SPAG9: variants seen among roughly 807,000 people sequenced by gnomAD.
SPAG9 encodes sperm associated antigen 9.
SPAG9 carries 35 observed loss-of-function variants against 166.5 expected under a neutral mutation model. The observed-to-expected ratio is 0.21, with a 90% confidence interval of 0.16 to 0.28. The LOEUF (loss-of-function observed/expected upper bound fraction) is 0.28, where lower values mean the gene tolerates loss of function less well. Ranked by LOEUF, SPAG9 falls within the 10% of genes least tolerant of loss-of-function variation. The pLI, the probability that SPAG9 is intolerant of heterozygous loss-of-function variation, is 1.00. For missense variants in SPAG9, 1,235 were observed against 1,603.3 expected (o/e 0.77, Z 3.92); for synonymous variants, 534 against 565.5 (o/e 0.94, Z 0.79).
chr17:51,114,993 A>G (rs901304005), intron 1 of SPAG9, among the ~76,000 whole-genome samples: 3 of 152,154 alleles, frequency 2.0e-5, no homozygotes, highest in South Asian at 2.1e-4. Context: ...CACTAAAACA[A>G]GAACAATGAA....
intron 9 of SPAG9, among the ~76,000 whole-genome samples, chr17:51,013,421 T>C (rs983196721): frequency 6.6e-6 from 1 of 152,136 alleles, no homozygotes; most frequent in Admixed American, 6.5e-5. Context: ...ACAGTAAATA[T>C]TTTAGGCTTC....
intron 1 of SPAG9, among the ~76,000 whole-genome samples, chr17:51,092,936 T>C (rs564595408): frequency 1.3e-4 from 20 of 151,840 alleles, no homozygotes; most frequent in Non-Finnish European, 2.8e-4. Context: ...AGCAAATGTC[T>C]CTTAAAAAAT....
chr17:50,989,051 G>GA (rs967637595), intron 21 of SPAG9, among the ~76,000 whole-genome samples: 47 of 147,690 alleles, frequency 3.2e-4, no homozygotes, highest in South Asian at 1.3e-3. Flanking sequence ...CAAAAAAAAA[G>GA]AAAAAAAAAC....
chr17:50,973,858 C>A (rs1974008349), intron 28 of SPAG9, among the ~76,000 whole-genome samples: 1 of 152,212 alleles, frequency 6.6e-6, no homozygotes. Flanking sequence ...GGGTCTCCAG[C>A]CTGCCAGCCT....
chr17:51,111,689 G>A (rs990395856), intron 1 of SPAG9, among the ~76,000 whole-genome samples: 12 of 152,018 alleles, frequency 7.9e-5, no homozygotes, highest in Non-Finnish European at 8.8e-5. Context: ...TACAACCTCC[G>A]CCTCCCAGGT....
chr17:51,060,506 A>T (rs896816283), intron 2 of SPAG9, among the ~76,000 whole-genome samples: 167 of 85,798 alleles, frequency 1.9e-3, no homozygotes, highest in African/African-American at 8.8e-3. Flanking sequence ...TTGTCTTTTT[A>T]AAAAAAAAAA....
intron 1 of SPAG9, among the ~76,000 whole-genome samples, chr17:51,101,420 A>G (rs1001398129): frequency 1.3e-5 from 2 of 151,982 alleles, no homozygotes; most frequent in African/African-American, 4.8e-5. Context: ...CTTAACCTTT[A>G]AAAAGGTATT....
chr17:51,072,815 C>G (rs902722488), intron 2 of SPAG9, among the ~76,000 whole-genome samples: 1 of 152,196 alleles, frequency 6.6e-6, no homozygotes, highest in Non-Finnish European at 1.5e-5. Flanking sequence ...TTAAAAAGCA[C>G]TCATTCCCAA....
At chr17:51,029,946 A>G (rs933081826) in intron 6 of SPAG9, among the ~76,000 whole-genome samples, 15 of 152,200 alleles carry the variant, frequency 9.9e-5, no homozygotes, top group Admixed American at 8.5e-4. Flanking sequence ...TGTGGAGACC[A>G]CATCAGAGGT....
intron 6 of SPAG9, among the ~76,000 whole-genome samples, chr17:51,029,697 C>T (rs1208454322): frequency 2.0e-5 from 3 of 152,068 alleles, no homozygotes; most frequent in East Asian, 3.8e-4. Flanking sequence ...TATTTATGTG[C>T]GGTATTTAAT....
At chr17:51,005,146 G>C (rs1394776022) in intron 12 of SPAG9, 66 bp downstream of exon 12, 1 of 1,357,504 alleles carries the variant, frequency 7.4e-7, no homozygotes, top group Non-Finnish European at 1.0e-6. Context: ...AGCTTACGTA[G>C]GAAGATCTTC....
intron 1 of SPAG9, among the ~76,000 whole-genome samples, chr17:51,095,033 C>T (rs139513504): frequency 0.043 from 6,564 of 152,190 alleles, 481 homozygotes; most frequent in African/African-American, 0.15. Context: ...CGGTGGCTGA[C>T]GCCTGTAATC....
intron 1 of SPAG9, among the ~76,000 whole-genome samples, chr17:51,094,151 C>G (rs566959840): frequency 6.6e-6 from 1 of 152,172 alleles, no homozygotes; most frequent in Admixed American, 6.6e-5. Flanking sequence ...AGTGTCTCTA[C>G]GAAAGGACCA....
chr17:50,993,933 T>G lies in SPAG9; in HGVS notation c.2229A>C (p.Glu743Asp). The change falls in exon 19 of 30, where the codon GAA becomes GAC. Residue 743 changes from glutamate to aspartate, a missense_variant and splice_region_variant. Physicochemically the swap from Glu to Asp is conservative, Grantham distance 45. Transcript: ENST00000262013. ...SLDKLDQELKEQQKELKNQEE... is the reference protein window; with the variant it reads ...SLDKLDQELKDQQKELKNQEE... ...CTTGATTTTTTAACTCCTTCTGCTG[T>G]TCCTGTATAGGCAAAGGAGGAAAAA... The G allele has an allele frequency of 6.2e-7, 1 of 1,613,718 alleles. No individual in the cohort carries two copies. Among genetic ancestry groups the G allele is most frequent in the South Asian group, 1.1e-5 (1 of 90,994 alleles).
At chr17:50,975,092 AGCTGGG>A in intron 27 of SPAG9, 145 bp from the exon 28 acceptor site, 2 of 694,798 alleles carry the variant, frequency 2.9e-6, no homozygotes, top group Non-Finnish European at 4.5e-6. Flanking sequence ...TTCAAGACAA[AGCTGGG>A]AAAAAAAGAG....
intron 21 of SPAG9, 150 bp downstream of exon 21, chr17:50,989,527 G>T: frequency 1.4e-6 from 1 of 728,044 alleles, no homozygotes; most frequent in Non-Finnish European, 2.4e-6. Context: ...GATGGAGCGG[G>T]AATACATGAA....
Position 51,010,600 on chromosome 17 carries a change from T to TATAC in SPAG9, c.1214-3275_1214-3274insGTAT, listed in dbSNP as rs1555638956. ...AAAAAAAAATATATATATATATATA[T>TATAC]ACATATATGTATGTATACACACACA... On this transcript the variant is annotated intron_variant, in intron 9 of 29. Coordinates refer to ENST00000262013, the MANE Select transcript of SPAG9 (RefSeq NM_001130528.3). 6.6e-3 allele frequency among the ~76,000 whole-genome samples: 960 copies of TATAC among 145,886 alleles called. 7 individuals carry two copies. Among genetic ancestry groups the TATAC allele is most frequent in the African/African-American group, 0.015 (608 of 39,632 alleles).
At chr17:50,988,790 A>C (rs762310769) in intron 21 of SPAG9, among the ~76,000 whole-genome samples, 1 of 152,202 alleles carries the variant, frequency 6.6e-6, no homozygotes, top group Non-Finnish European at 1.5e-5. Context: ...CCTGGACTCA[A>C]GCAATCCTCC....
intron 2 of SPAG9, among the ~76,000 whole-genome samples, chr17:51,060,458 G>GT (rs2047475945): frequency 6.8e-6 from 1 of 146,710 alleles, no homozygotes; most frequent in Admixed American, 7.1e-5. Context: ...AGCTGAGACT[G>GT]TACCACTGCA....
Sources: gnomAD v4.1 joint callset for allele counts (sites outside exome capture counted in the v4.1 genomes callset) on GRCh38, gnomAD v4.1.1 for gene constraint, MANE v1.5 for transcripts, NCBI Gene and HGNC (gene_info 2026-07-23, HGNC 2026-07-21) for gene names.